Variants in H3-3A observed in about 807,000 individuals in gnomAD.
The protein encoded by H3-3A is H3.3 histone A, also known as histone H3.3.
For missense variants in H3-3A, 7 were observed against 184.0 expected, an observed-to-expected ratio of 0.04 and a Z score of 5.57; for synonymous variants, 49 against 61.4, an observed-to-expected ratio of 0.80 and a Z score of 0.95.
At chr1:226,063,756 G>A (rs1657824380) in intron 1 of H3-3A, among the ~76,000 whole-genome samples, 1 of 152,128 alleles carries the variant, frequency 6.6e-6, no homozygotes, top group Non-Finnish European at 1.5e-5. Context: ...ACGCGAGGAC[G>A]GGGCTTTGTA....
rs1387208495 is a variant in H3-3A at position 226,071,759 on chromosome 1, A to G, written c.*280A>G. The G allele has an allele frequency of 8.9e-6, 2 of 225,106 alleles. No individual in the cohort carries two copies. Among genetic ancestry groups the G allele is most frequent in the South Asian group, 1.6e-4 (1 of 6,162 alleles). 13.9% of individuals were successfully genotyped at this position (225,106 alleles called of 1,614,324 possible). A position where few individuals can be genotyped will look rare whatever the true frequency, so the allele number is the denominator to read the frequency against. ...ACAAGTTTCAGCGGTTCAACTTTATAATAATTATAAATAAACCTGTTAAAT... is the reference window on the plus strand; with the variant it reads ...ACAAGTTTCAGCGGTTCAACTTTATGATAATTATAAATAAACCTGTTAAAT... On this transcript the variant is annotated 3_prime_UTR_variant, in exon 4 of 4. Coordinates refer to ENST00000366815, the MANE Select transcript of H3-3A (RefSeq NM_002107.7).
rs187897594 is a variant in H3-3A, at chr1:226,069,666, T to C, written c.283-1685T>C. ...GGCCAACATGGTGAAACCCCATCTC[T>C]ACTAAAAATACAAAATTAGCTGGAC... On this transcript the variant is annotated intron_variant, in intron 3 of 3. Transcript: ENST00000366815. 2.0e-5 allele frequency among the ~76,000 whole-genome samples: 3 copies of C among 152,176 alleles called. No homozygotes were observed. In the East Asian group the frequency reaches 5.8e-4, roughly 29 times the overall value.
intron 3 of H3-3A, chr1:226,066,607 C>T (rs890904349): frequency 3.3e-5 from 5 of 152,098 alleles, no homozygotes; most frequent in African/African-American, 1.2e-4. Flanking sequence ...ACTTAAGTAA[C>T]CTATTTTATA....
intron 3 of H3-3A, chr1:226,066,290 C>T (rs554671407): frequency 5.0e-5 from 8 of 159,950 alleles, no homozygotes; most frequent in South Asian, 1.8e-4. Flanking sequence ...TGCATTAAGA[C>T]GTAAAAGGAG....
intron 1 of H3-3A, among the ~76,000 whole-genome samples, chr1:226,063,543 T>A (rs373228523): frequency 5.3e-5 from 8 of 152,318 alleles, no homozygotes; most frequent in African/African-American, 1.9e-4. Context: ...CATTTTGTTC[T>A]GGTCGGGGAG....
intron 3 of H3-3A, chr1:226,067,252 A>G (rs182471323): frequency 5.6e-4 from 85 of 152,276 alleles, no homozygotes; most frequent in African/African-American, 2.0e-3. Flanking sequence ...AAAATTATTC[A>G]CATGTAAACT....
chr1:226,069,706 C>G (rs1658040963), intron 3 of H3-3A, among the ~76,000 whole-genome samples: 1 of 152,130 alleles, frequency 6.6e-6, no homozygotes, highest in African/African-American at 2.4e-5. Context: ...TGGTGCATGC[C>G]TGTAATCCCA....
Position 226,069,159 on chromosome 1 carries a change from G to C in H3-3A, c.283-2192G>C, listed in dbSNP as rs142474987. Among the ~76,000 whole-genome samples, 127 of 151,060 alleles carry C rather than the reference G, an allele frequency of 8.4e-4. 1 individual carries two copies. Among genetic ancestry groups the C allele is most frequent in the Non-Finnish European group, 1.4e-3 (93 of 67,928 alleles). On this transcript the variant is annotated intron_variant, in intron 3 of 3. Coordinates refer to ENST00000366815, the MANE Select transcript of H3-3A (RefSeq NM_002107.7). ...CCTCCCGGGTTCAAGCAATTCTCCT[G>C]TCTCAGCCTCCCAAGTAGCTGGGAC... is the stretch of plus-strand genomic sequence containing the variant.
At chr1:226,070,935 G>T (rs779249173) in intron 3 of H3-3A, among the ~76,000 whole-genome samples, 24 of 152,210 alleles carry the variant, frequency 1.6e-4, no homozygotes, top group Non-Finnish European at 2.5e-4. Context: ...TTCACATACT[G>T]TGTGAATGGG....
chr1:226,070,957 G>A (rs1358237170), intron 3 of H3-3A, among the ~76,000 whole-genome samples: 2 of 152,214 alleles, frequency 1.3e-5, no homozygotes, highest in African/African-American at 2.4e-5. Context: ...TTCAGAGTGA[G>A]GAGGAGACTA....
At chr1:226,066,991 C>A (rs1313611530) in intron 3 of H3-3A, 1 of 152,170 alleles carries the variant, frequency 6.6e-6, no homozygotes, top group African/African-American at 2.4e-5. Flanking sequence ...CTAAAATCTT[C>A]CATGTTTTTA....
At chr1:226,064,516 T>C in intron 2 of H3-3A, 37 bp downstream of exon 2, 3 of 1,569,886 alleles carry the variant, frequency 1.9e-6, no homozygotes, top group Non-Finnish European at 2.6e-6. Context: ...ACAAAGTCTC[T>C]CTTGTATGTA....
chr1:226,063,505 G>A (rs1264062164), intron 1 of H3-3A, among the ~76,000 whole-genome samples: 1 of 152,192 alleles, frequency 6.6e-6, no homozygotes, highest in African/African-American at 2.4e-5. Flanking sequence ...TCTTTGGAAC[G>A]GAATCGGATA....
intron 3 of H3-3A, among the ~76,000 whole-genome samples, chr1:226,067,804 G>A (rs1447636457): frequency 5.9e-5 from 9 of 151,696 alleles, no homozygotes; most frequent in Admixed American, 5.3e-4. Flanking sequence ...ATAGAAGATC[G>A]CAATTGAAGT....
intron 3 of H3-3A, among the ~76,000 whole-genome samples, chr1:226,069,314 T>G (rs567023784): frequency 6.6e-6 from 1 of 152,276 alleles, no homozygotes; most frequent in African/African-American, 2.4e-5. Flanking sequence ...CCCAAAGTGC[T>G]GGGATTACAG....
At chr1:226,069,037 A>G (rs909991147) in intron 3 of H3-3A, among the ~76,000 whole-genome samples, 3 of 149,136 alleles carry the variant, frequency 2.0e-5, no homozygotes, top group Non-Finnish European at 4.4e-5. Context: ...GAAGCTAGAA[A>G]TGTGAAAGTA....
chr1:226,064,234 A>G (rs1212566839), intron 1 of H3-3A, 95 bp from the exon 2 acceptor site: 4 of 846,386 alleles, frequency 4.7e-6, no homozygotes, highest in Non-Finnish European at 7.6e-6. Context: ...TATACTGATC[A>G]TAATTTCCAG....
chr1:226,063,595 A>G (rs1330529576), intron 1 of H3-3A, among the ~76,000 whole-genome samples: 3 of 152,106 alleles, frequency 2.0e-5, no homozygotes, highest in African/African-American at 2.4e-5. Context: ...CGAGGCGGGC[A>G]GGTTGGGGGA....
At chr1:226,066,153 A>G (rs1280091456) in intron 3 of H3-3A, 2 of 390,304 alleles carry the variant, frequency 5.1e-6, no homozygotes, top group South Asian at 7.2e-5. Flanking sequence ...CTAGAGGTCT[A>G]TATTTGTAGT....
Sources: allele counts gnomAD v4.1 joint callset (sites outside exome capture counted in the v4.1 genomes callset), GRCh38; gene constraint gnomAD v4.1.1; transcripts MANE v1.5; gene names NCBI Gene and HGNC (gene_info 2026-07-23, HGNC 2026-07-21).